Variants in URI1 observed in about 807,000 individuals in gnomAD.
The protein encoded by URI1 is URI1 prefoldin like chaperone.
Under a neutral mutation model 60.2 loss-of-function variants are expected in URI1, and 39 were observed. The observed-to-expected ratio is 0.65, with a 90% CI of 0.50 to 0.85. The LOEUF is 0.85. Ranked by LOEUF, URI1 falls within the 40% of genes least tolerant of loss-of-function variation. The probability of loss-of-function intolerance (pLI) is 0.00; values close to 1 mark genes in which losing one functional copy is unlikely to be tolerated. For missense variants in URI1, 691 were observed against 665.9 expected, an observed-to-expected ratio of 1.04 and a Z score of -0.42; for synonymous variants, 251 against 236.8, an observed-to-expected ratio of 1.06 and a Z score of -0.55.
Position 30,009,227 on chromosome 19 carries a change from TGA to T in URI1, c.910_911del (p.Asp304Ter). 1.2e-6 allele frequency: 2 copies of T among 1,613,496 alleles called. No homozygotes were observed. The highest frequency in any genetic ancestry group is 1.3e-5 in the African/African-American group (1 of 74,982). ...CTTACCACAGTGATGATGATGATGATGATGATGATGACGACGACGACGACAAC... is the reference window on the plus strand; with the variant it reads ...CTTACCACAGTGATGATGATGATGATTGATGATGACGACGACGACGACAAC... The part of the protein sequence containing the change: ...SSYHSDDDDD[D>X]DDDDDDDNID... On this transcript the variant is annotated frameshift_variant, in exon 8 of 11. Transcript: ENST00000392271. LOFTEE classifies it high-confidence loss of function.
intron 1 of URI1, among the ~76,000 whole-genome samples, chr19:29,958,922 T>C (rs990422575): frequency 2.0e-5 from 3 of 151,238 alleles, no homozygotes; most frequent in Admixed American, 2.0e-4. Flanking sequence ...ATCACGCCAC[T>C]GCACTCCAGC....
chr19:29,980,421 C>T (rs1225409235), intron 2 of URI1: 1 of 151,712 alleles, frequency 6.6e-6, no homozygotes, highest in Non-Finnish European at 1.5e-5. Context: ...GTATATATTC[C>T]AGAATCTTCC....
chr19:29,993,901 C>G (rs971646379), intron 4 of URI1, among the ~76,000 whole-genome samples: 8 of 152,158 alleles, frequency 5.3e-5, no homozygotes, highest in Non-Finnish European at 8.8e-5. Context: ...TGTAGGCACA[C>G]TTTTATTTTT....
chr19:30,011,219 G>T lies in URI1; in HGVS notation c.1161G>T (p.Thr387=), dbSNP rs200788387. The T allele has an allele frequency of 2.2e-5, 35 of 1,609,126 alleles. No homozygotes were observed. The highest frequency in any genetic ancestry group is 2.6e-5 in the Non-Finnish European group (31 of 1,178,522). ...CCCAGGAGCTGCCGACCATCAGGAC[G>T]CCTGCAGACATTTACAGGTGGGAGG... ...HSAQELPTIR[T]PADIYRAFVD... Residue 387 remains threonine, a synonymous_variant, in exon 9 of 11, where the codon ACG becomes ACT. Coordinates refer to ENST00000392271, the MANE Select transcript of URI1 (RefSeq NM_003796.3).
intron 1 of URI1, among the ~76,000 whole-genome samples, chr19:29,967,695 T>C (rs1252508282): frequency 6.6e-6 from 1 of 152,206 alleles, no homozygotes; most frequent in Non-Finnish European, 1.5e-5. Context: ...TCTGCTGTTA[T>C]CCAGTAAGCC....
At chr19:30,014,008 A>G (rs1032724399) in intron 10 of URI1, among the ~76,000 whole-genome samples, 1 of 151,968 alleles carries the variant, frequency 6.6e-6, no homozygotes, top group African/African-American at 2.4e-5. Flanking sequence ...CAAAATGTAC[A>G]TTAAAGTTCA....
intron 4 of URI1, among the ~76,000 whole-genome samples, chr19:29,995,735 T>C (rs1482021044): frequency 6.6e-6 from 1 of 152,066 alleles, no homozygotes; most frequent in Non-Finnish European, 1.5e-5. Flanking sequence ...GTTTTTTTTT[T>C]TGAGTTTCCT....
chr19:29,957,372 T>C (rs967756463), intron 1 of URI1, among the ~76,000 whole-genome samples: 1 of 151,504 alleles, frequency 6.6e-6, no homozygotes, highest in African/African-American at 2.4e-5. Context: ...ATTCTAGGGA[T>C]TCTGGAGGGG....
At chr19:29,982,734 A>G (rs2055614398) in intron 2 of URI1, among the ~76,000 whole-genome samples, 2 of 152,312 alleles carry the variant, frequency 1.3e-5, no homozygotes, top group East Asian at 1.9e-4. Context: ...ATTTGTATCA[A>G]ATTGGTTAGT....
At chr19:29,928,587 A>G (rs1018073337) in intron 1 of URI1, among the ~76,000 whole-genome samples, 2 of 152,134 alleles carry the variant, frequency 1.3e-5, no homozygotes, top group Non-Finnish European at 2.9e-5. Flanking sequence ...GTTTATTTTC[A>G]AAGCAACATA....
intron 2 of URI1, among the ~76,000 whole-genome samples, chr19:29,981,891 C>G (rs773449554): frequency 5.9e-5 from 9 of 152,034 alleles, no homozygotes; most frequent in Non-Finnish European, 1.2e-4. Context: ...AAAATCTGTT[C>G]AAATTTTGTT....
At chr19:29,939,867 T>C (rs1409444595), upstream of URI1, among the ~76,000 whole-genome samples, 2 of 151,844 alleles carry the variant, frequency 1.3e-5, no homozygotes, top group African/African-American at 2.4e-5. Context: ...GGGGGCTTGG[T>C]TGGAGGTGGG....
chr19:29,970,449 TA>T (rs992073937), intron 1 of URI1, among the ~76,000 whole-genome samples: 4 of 152,134 alleles, frequency 2.6e-5, no homozygotes, highest in Non-Finnish European at 5.9e-5. Flanking sequence ...GTTATTTTTT[TA>T]AATTGCATTT....
Position 29,952,227 on chromosome 19 carries a change from A to G in URI1, c.117+9563A>G, listed in dbSNP as rs371117048. 5.4e-4 allele frequency among the ~76,000 whole-genome samples: 82 copies of G among 152,348 alleles called. No individual in the cohort carries two copies. In the South Asian group the frequency reaches 0.012, roughly 22 times the overall value. Reference sequence around the variant, plus strand: ...TATTGGAAAGTTTAATCAGAATTTAAACACAGCAGTTCTCTTTATATTAAG... The same window carrying G: ...TATTGGAAAGTTTAATCAGAATTTAGACACAGCAGTTCTCTTTATATTAAG... On this transcript the variant is annotated intron_variant, in intron 1 of 10. Transcript: ENST00000392271.
intron 1 of URI1, among the ~76,000 whole-genome samples, chr19:29,943,376 A>T (rs948179375): frequency 3.3e-5 from 5 of 152,226 alleles, no homozygotes; most frequent in Admixed American, 2.0e-4. Flanking sequence ...TTCCCAATTT[A>T]AGAAATAGTT....
At chr19:29,968,976 G>A (rs947802213) in intron 1 of URI1, among the ~76,000 whole-genome samples, 2 of 151,226 alleles carry the variant, frequency 1.3e-5, no homozygotes, top group Admixed American at 6.6e-5. Flanking sequence ...AATCTTTTCT[G>A]CAAGTAGGTG....
Position 30,014,870 on chromosome 19 carries a change from T to G in URI1, c.1426-17T>G. The G allele has an allele frequency of 6.2e-7, 1 of 1,605,496 alleles. No homozygotes were observed. The highest frequency in any genetic ancestry group is 8.5e-7 in the Non-Finnish European group (1 of 1,175,302). On this transcript the variant is annotated splice_polypyrimidine_tract_variant and intron_variant, in intron 10 of 10. Coordinates refer to ENST00000392271, the MANE Select transcript of URI1 (RefSeq NM_003796.3). ...TTATTTGCATTTTATTACCATAACCTGACTTTTGTTTTCTAGGCTTTTTCT... is the reference window on the plus strand; with the variant it reads ...TTATTTGCATTTTATTACCATAACCGGACTTTTGTTTTCTAGGCTTTTTCT...
chr19:30,000,137 G>A (rs7252956), intron 4 of URI1, among the ~76,000 whole-genome samples: 125,210 of 151,862 alleles, frequency 0.82, 52,435 homozygotes, highest in Non-Finnish European at 0.9. Flanking sequence ...TAGATATTAT[G>A]TAATTCCATT....
At chr19:29,997,369 A>G (rs529392819) in intron 4 of URI1, among the ~76,000 whole-genome samples, 1 of 152,054 alleles carries the variant, frequency 6.6e-6, no homozygotes, top group African/African-American at 2.4e-5. Flanking sequence ...TAATCCCATT[A>G]ATTTCTGTAA....
Sources: gnomAD v4.1 joint callset for allele counts (sites outside exome capture counted in the v4.1 genomes callset) on GRCh38, gnomAD v4.1.1 for gene constraint, MANE v1.5 for transcripts, NCBI Gene and HGNC (gene_info 2026-07-23, HGNC 2026-07-21) for gene names.